Variants in ZNF280D observed in about 807,000 individuals in gnomAD.
ZNF280D encodes the protein suppressor of hairy wing homolog 4.
A neutral mutation model predicts 94.7 loss-of-function variants in ZNF280D; 39 were observed. The ratio of observed to expected loss-of-function variants is 0.41; its 90% CI spans 0.32 to 0.54. The LOEUF (loss-of-function observed/expected upper bound fraction) is 0.54. Among genes scored for constraint, ZNF280D ranks in the 20% least tolerant of loss-of-function variants. The probability of loss-of-function intolerance (pLI) is 0.22; values close to 1 mark genes in which losing one functional copy is unlikely to be tolerated. For synonymous variants in ZNF280D, 398 were observed against 377.6 expected, an observed-to-expected ratio of 1.05 and a Z score of -0.63; for missense variants, 1,090 against 1,149.3, an observed-to-expected ratio of 0.95 and a Z score of 0.75.
At chr15:56,663,231 C>T (rs1469804902) in intron 16 of ZNF280D, among the ~76,000 whole-genome samples, 1 of 137,296 alleles carries the variant, frequency 7.3e-6, no homozygotes, top group African/African-American at 2.7e-5. Context: ...CTGTAGTGAA[C>T]TGTGATGGAG....
intron 1 of ZNF280D, among the ~76,000 whole-genome samples, chr15:56,714,684 C>G (rs1196989611): frequency 1.3e-5 from 2 of 152,112 alleles, no homozygotes; most frequent in Non-Finnish European, 2.9e-5. Context: ...CAAAAAACTT[C>G]ATTCTCTGAA....
chr15:56,694,642 A>G (rs1198037061), intron 6 of ZNF280D, among the ~76,000 whole-genome samples: 1 of 152,234 alleles, frequency 6.6e-6, no homozygotes, highest in Non-Finnish European at 1.5e-5. Flanking sequence ...GCATGTTACC[A>G]TAATATCTAC....
chr15:56,681,618 G>T (rs1438349307), intron 10 of ZNF280D, among the ~76,000 whole-genome samples: 1 of 151,642 alleles, frequency 6.6e-6, no homozygotes. Flanking sequence ...CTTTTCTCTT[G>T]TTACTAATTT....
intron 1 of ZNF280D, among the ~76,000 whole-genome samples, chr15:56,721,748 T>C (rs1280680132): frequency 6.7e-6 from 1 of 150,300 alleles, no homozygotes; most frequent in African/African-American, 2.5e-5. Flanking sequence ...TTGTGGCGGG[T>C]TTGATCTTCT....
At chr15:56,635,674 T>G (rs1274744704) in intron 20 of ZNF280D, 1 of 152,340 alleles carries the variant, frequency 6.6e-6, no homozygotes, top group Non-Finnish European at 1.5e-5. Context: ...ATTTCTGAAT[T>G]TATGATTTCA....
chr15:56,723,140 A>G (rs1416857817), intron 1 of ZNF280D, among the ~76,000 whole-genome samples: 4 of 151,914 alleles, frequency 2.6e-5, no homozygotes, highest in Non-Finnish European at 5.9e-5. Flanking sequence ...ATGACGAGTT[A>G]GTGGGTGCAG....
intron 1 of ZNF280D, among the ~76,000 whole-genome samples, chr15:56,727,826 G>T (rs1431894465): frequency 1.3e-5 from 2 of 152,168 alleles, no homozygotes; most frequent in African/African-American, 4.8e-5. Flanking sequence ...CCTTGGATGA[G>T]TTACTTTAGA....
At chr15:56,653,321 G>A in intron 19 of ZNF280D, 1 of 1,247,922 alleles carries the variant, frequency 8.0e-7, no homozygotes, top group Non-Finnish European at 1.0e-6. Flanking sequence ...ATAAGCTTAA[G>A]ATCATAAGCC....
At chr15:56,674,154 G>T (rs1771484411) in intron 13 of ZNF280D, among the ~76,000 whole-genome samples, 1 of 152,018 alleles carries the variant, frequency 6.6e-6, no homozygotes, top group Non-Finnish European at 1.5e-5. Context: ...GAAAGCAAGA[G>T]ATTAACAGAG....
rs1287736106 is a variant in ZNF280D, at chr15:56,678,519, G to A, written c.1162+145C>T. 9.9e-6 allele frequency: 6 copies of A among 605,016 alleles called. No homozygotes were observed. In the Admixed American group the frequency reaches 2.2e-4, roughly 22 times the overall value. 37.5% of individuals were successfully genotyped at this position (605,016 alleles called of 1,614,324 possible). A position where few individuals can be genotyped will look rare whatever the true frequency, so the allele number is the denominator to read the frequency against. On this transcript the variant is annotated intron_variant, in intron 11 of 21. Transcript: ENST00000267807. ...TAATTTTATTTAAAAGTTTATCACA[G>A]TTAAAACTTGGCCTTTCAATTTTGC... is the stretch of plus-strand genomic sequence containing the variant.
At chr15:56,712,197 T>C (rs1304029029) in intron 1 of ZNF280D, among the ~76,000 whole-genome samples, 1 of 152,158 alleles carries the variant, frequency 6.6e-6, no homozygotes, top group African/African-American at 2.4e-5. Context: ...AATTAAAATA[T>C]ACACCAAAAA....
At chr15:56,666,137 AT>A (rs2044496477) in intron 16 of ZNF280D, among the ~76,000 whole-genome samples, 1 of 152,236 alleles carries the variant, frequency 6.6e-6, no homozygotes, top group Admixed American at 6.5e-5. Flanking sequence ...TCTCAAAAAA[AT>A]AAAAAAGAAA....
chr15:56,714,396 T>A (rs1293767549), intron 1 of ZNF280D, among the ~76,000 whole-genome samples: 2 of 152,176 alleles, frequency 1.3e-5, no homozygotes, highest in East Asian at 1.9e-4. Context: ...GAAGAAAAGA[T>A]CTTTAAAAAG....
intron 7 of ZNF280D, among the ~76,000 whole-genome samples, chr15:56,691,628 T>C (rs543822003): frequency 2.1e-4 from 32 of 152,310 alleles, no homozygotes; most frequent in African/African-American, 7.7e-4. Context: ...CCTATTCTCA[T>C]TCAAGATTTA....
intron 9 of ZNF280D, among the ~76,000 whole-genome samples, chr15:56,687,439 A>G (rs1424789500): frequency 6.6e-6 from 1 of 152,184 alleles, no homozygotes; most frequent in Non-Finnish European, 1.5e-5. Flanking sequence ...TACAAAATAG[A>G]AAATAAGAAC....
intron 10 of ZNF280D, among the ~76,000 whole-genome samples, chr15:56,680,436 T>C (rs2055540135): frequency 6.6e-6 from 1 of 152,202 alleles, no homozygotes. Context: ...AGCCTAAACA[T>C]ACGTAGCTAG....
intron 6 of ZNF280D, chr15:56,699,465 T>C: frequency 1.2e-6 from 1 of 840,406 alleles, no homozygotes; most frequent in African/African-American, 1.8e-5. Flanking sequence ...GATATTAATC[T>C]ATACCCAGTT....
At chr15:56,709,813 A>C (rs182257611) in intron 1 of ZNF280D, among the ~76,000 whole-genome samples, 1 of 152,294 alleles carries the variant, frequency 6.6e-6, no homozygotes, top group Non-Finnish European at 1.5e-5. Context: ...AACAATGAGA[A>C]CACTTGGACA....
chr15:56,664,676 T>C (rs1384245320), intron 16 of ZNF280D, among the ~76,000 whole-genome samples: 1 of 152,066 alleles, frequency 6.6e-6, no homozygotes, highest in African/African-American at 2.4e-5. Context: ...ATGTTGCAGG[T>C]AAAAATAAAG....
Sources: allele counts gnomAD v4.1 joint callset (sites outside exome capture counted in the v4.1 genomes callset), GRCh38; gene constraint gnomAD v4.1.1; transcripts MANE v1.5; gene names NCBI Gene and HGNC (gene_info 2026-07-23, HGNC 2026-07-21).